Variants in PCCA observed in about 807,000 individuals in gnomAD.
PCCA encodes propionyl-CoA carboxylase alpha chain, mitochondrial.
PCCA carries 74 observed loss-of-function variants against 101.3 expected under a neutral mutation model. That is an observed-to-expected ratio of 0.73 (90% CI 0.61 to 0.89). The LOEUF is 0.89. PCCA is among the 40% of genes least tolerant of loss of function. PCCA has a pLI of 0.00. For missense variants in PCCA, 891 were observed against 907.0 expected, an observed-to-expected ratio of 0.98 and a Z score of 0.23; for synonymous variants, 294 against 313.6, an observed-to-expected ratio of 0.94 and a Z score of 0.66.
At chr13:100,342,601 G>T (rs753508221) in intron 18 of PCCA, among the ~76,000 whole-genome samples, 2 of 151,868 alleles carry the variant, frequency 1.3e-5, no homozygotes, top group Non-Finnish European at 2.9e-5. Context: ...GGATGCTTGT[G>T]TGTAACTCAG....
intron 6 of PCCA, among the ~76,000 whole-genome samples, chr13:100,159,084 CTTTTTTTTTTT>C (rs11350199): frequency 1.0e-4 from 6 of 58,194 alleles, no homozygotes; most frequent in South Asian, 1.9e-3. Context: ...AAAATGCTGC[CTTTTTTTTTTT>C]TTTTTTTTTT....
At chr13:100,295,087 G>A (rs2065421466) in intron 12 of PCCA, among the ~76,000 whole-genome samples, 1 of 152,132 alleles carries the variant, frequency 6.6e-6, no homozygotes, top group African/African-American at 2.4e-5. Flanking sequence ...GAGTGCTGTG[G>A]ATCAAAATCT....
intron 20 of PCCA, among the ~76,000 whole-genome samples, chr13:100,430,055 C>T (rs982652086): frequency 6.6e-6 from 1 of 152,036 alleles, no homozygotes; most frequent in African/African-American, 2.4e-5. Flanking sequence ...GCAGGCAGAT[C>T]ACCTGAGGTT....
intron 1 of PCCA, among the ~76,000 whole-genome samples, chr13:100,101,222 T>A (rs1487156089): frequency 1.3e-5 from 2 of 152,200 alleles, no homozygotes; most frequent in Non-Finnish European, 2.9e-5. Flanking sequence ...TATCTTTGAG[T>A]AGATATTAGT....
intron 21 of PCCA, among the ~76,000 whole-genome samples, chr13:100,476,288 C>A (rs1231793447): frequency 6.6e-6 from 1 of 152,150 alleles, no homozygotes; most frequent in Non-Finnish European, 1.5e-5. Flanking sequence ...CTCTTGTTGC[C>A]TGTGAACTGA....
chr13:100,137,453 A>T (rs1240880186), intron 4 of PCCA, among the ~76,000 whole-genome samples: 1 of 152,178 alleles, frequency 6.6e-6, no homozygotes, highest in Admixed American at 6.5e-5. Context: ...GTTTCCAACG[A>T]TGACTGGGTT....
At chr13:100,328,227 G>A (rs1027979013) in intron 16 of PCCA, among the ~76,000 whole-genome samples, 1 of 151,980 alleles carries the variant, frequency 6.6e-6, no homozygotes, top group African/African-American at 2.4e-5. Flanking sequence ...GCTGGGTGTG[G>A]TGGCGTGTTC....
At chr13:100,492,239 A>C (rs1428977007) in intron 21 of PCCA, among the ~76,000 whole-genome samples, 1 of 151,678 alleles carries the variant, frequency 6.6e-6, no homozygotes, top group Non-Finnish European at 1.5e-5. Context: ...GGTTCACGCC[A>C]TTCTCCTGCC....
chr13:100,333,489 G>T (rs960319521), intron 17 of PCCA, among the ~76,000 whole-genome samples: 1 of 152,176 alleles, frequency 6.6e-6, no homozygotes, highest in Non-Finnish European at 1.5e-5. Context: ...TTTTACTAGA[G>T]ATTCTTAGAG....
intron 19 of PCCA, among the ~76,000 whole-genome samples, chr13:100,373,024 G>A (rs1242621319): frequency 6.6e-6 from 1 of 152,186 alleles, no homozygotes; most frequent in East Asian, 1.9e-4. Flanking sequence ...GATTACGGGT[G>A]TGAGTCACCA....
At chr13:100,506,389 G>T (rs1383224438) in intron 21 of PCCA, among the ~76,000 whole-genome samples, 1 of 150,890 alleles carries the variant, frequency 6.6e-6, no homozygotes, top group Non-Finnish European at 1.5e-5. Flanking sequence ...GGGGGTGGGG[G>T]CGGGGGCGGC....
chr13:100,179,886 A>AT (rs1313430975), intron 6 of PCCA, among the ~76,000 whole-genome samples: 3 of 152,130 alleles, frequency 2.0e-5, no homozygotes, highest in Non-Finnish European at 4.4e-5. Flanking sequence ...GGCAGAGGGA[A>AT]TAGCAGGTTT....
intron 8 of PCCA, among the ~76,000 whole-genome samples, chr13:100,245,168 A>G (rs1165743056): frequency 6.6e-6 from 1 of 152,174 alleles, no homozygotes; most frequent in South Asian, 2.1e-4. Flanking sequence ...AGAGCAATAA[A>G]ATCAGTGGAA....
intron 17 of PCCA, among the ~76,000 whole-genome samples, chr13:100,336,267 A>G (rs1438148586): frequency 6.6e-6 from 1 of 152,184 alleles, no homozygotes; most frequent in Non-Finnish European, 1.5e-5. Context: ...TGTCTCAAGA[A>G]ACAAAAACAA....
chr13:100,326,512 C>A (rs963936873), intron 16 of PCCA, among the ~76,000 whole-genome samples: 1 of 152,114 alleles, frequency 6.6e-6, no homozygotes, highest in African/African-American at 2.4e-5. Flanking sequence ...GGATTGAAAT[C>A]ATATAGAAAC....
chr13:100,374,450 A>G (rs36006722), intron 19 of PCCA, among the ~76,000 whole-genome samples: 40,648 of 152,042 alleles, frequency 0.27, 6,651 homozygotes, highest in Middle Eastern at 0.48. Context: ...GTCTTGCTCA[A>G]TATAACACAA....
chr13:100,346,298 T>TA (rs1369731914), intron 18 of PCCA, among the ~76,000 whole-genome samples: 1 of 152,106 alleles, frequency 6.6e-6, no homozygotes, highest in African/African-American at 2.4e-5. Flanking sequence ...ATGGGCAAAA[T>TA]AAAAGATCAA....
At chr13:100,386,103 G>A (rs1346959215) in intron 19 of PCCA, among the ~76,000 whole-genome samples, 1 of 152,204 alleles carries the variant, frequency 6.6e-6, no homozygotes, top group Non-Finnish European at 1.5e-5. Context: ...CTAGCAAAAG[G>A]TAGTGAAAAG....
intron 8 of PCCA, among the ~76,000 whole-genome samples, chr13:100,253,075 C>A (rs766243654): frequency 6.6e-6 from 1 of 152,176 alleles, no homozygotes; most frequent in Non-Finnish European, 1.5e-5. Flanking sequence ...GGAGCAGTAA[C>A]CCTGTCACTC....
Sources: gnomAD v4.1 joint callset for allele counts (sites outside exome capture counted in the v4.1 genomes callset) on GRCh38, gnomAD v4.1.1 for gene constraint, MANE v1.5 for transcripts, NCBI Gene and HGNC (gene_info 2026-07-23, HGNC 2026-07-21) for gene names.